Variants in ZNF658 observed in about 807,000 individuals in gnomAD.
ZNF658 encodes the protein zinc finger protein 658.
ZNF658 carries 46 observed loss-of-function variants against 78.0 expected under a neutral mutation model. The ratio of observed to expected loss-of-function variants is 0.59; its 90% CI spans 0.47 to 0.75. ZNF658 has a LOEUF of 0.75. ZNF658 is among the 30% of genes least tolerant of loss of function. The pLI, the probability that ZNF658 is intolerant of heterozygous loss-of-function variation, is 0.00. For missense variants in ZNF658, 785 were observed against 1,189.3 expected, an observed-to-expected ratio of 0.66 and a Z score of 5.00; for synonymous variants, 279 against 408.4, an observed-to-expected ratio of 0.68 and a Z score of 3.82.
downstream of ZNF658, among the ~76,000 whole-genome samples, chr9:66,923,318 T>G (rs1001958528): frequency 2.0e-5 from 3 of 150,284 alleles, no homozygotes; most frequent in Admixed American, 6.7e-5. Flanking sequence ...CTGCTTTATT[T>G]TAGCTGTGCT....
In ZNF658 at chr9:66,918,985, T is replaced by G. The variant is rs774306522; in HGVS notation, c.1419T>G (p.Cys473Trp). The G allele has an allele frequency of 3.9e-6, 5 of 1,275,706 alleles. No individual in the cohort carries two copies. The African/African-American group carries it at 9.3e-5, about 24-fold the overall frequency. 79.0% of individuals were successfully genotyped at this position (1,275,706 alleles called of 1,614,324 possible). The stretch of plus-strand genomic sequence containing the variant: ...AGAAACCTTGTGATAACAATGGCTG[T>G]GGGAGATCTTACAAGTCACCCCTCA... ...TKEKPCDNNG[C>W]GRSYKSPLIG... The change falls in exon 5 of 5, where the codon TGT becomes TGG. Residue 473 changes from cysteine (C) to tryptophan (W), a missense_variant. This residue lies in a region of ZNF658 where 393 missense variants were observed against 400.2 expected (regional missense o/e 0.98). Transcript: ENST00000621410.
At chr9:66,929,820 G>T (rs1587374304) in intron 6 of ZNF658, among the ~76,000 whole-genome samples, 7 of 103,952 alleles carry the variant, frequency 6.7e-5, no homozygotes, top group African/African-American at 1.4e-4. Context: ...GTCTTGCTCT[G>T]TTGCCCGGGC....
At chr9:66,917,284 G>T (rs1300145493) in intron 4 of ZNF658, among the ~76,000 whole-genome samples, 1 of 145,106 alleles carries the variant, frequency 6.9e-6, no homozygotes, top group Non-Finnish European at 1.5e-5. Flanking sequence ...GAGGAAAGGG[G>T]TTACTACTCC....
downstream of ZNF658, among the ~76,000 whole-genome samples, chr9:66,923,011 G>A (rs558146374): frequency 6.6e-6 from 1 of 151,888 alleles, no homozygotes; most frequent in South Asian, 2.1e-4. Flanking sequence ...TATGTGAAAG[G>A]GAGTTTATTA....
chr9:66,917,782 A>G (rs1822369976), intron 4 of ZNF658, 23 bp from the exon 5 acceptor site: 1 of 983,858 alleles, frequency 1.0e-6, no homozygotes. Context: ...TTTATACTAT[A>G]TTTTCAATTT....
At position 66,918,334 on chromosome 9, in the gene ZNF658, T is replaced by G; in HGVS notation, c.768T>G (p.Thr256=). The change falls in exon 5 of 5, where the codon ACT becomes ACG. Residue 256 remains threonine, a synonymous_variant. Transcript: ENST00000621410. The part of the protein sequence containing the change: ...DEFRKNFDKI[T]LFNHMRTDTR... ...TTAGAAAAAACTTTGATAAAATCAC[T>G]TTATTTAACCACATGAGAACTGACA... 3.1e-6 allele frequency: 5 copies of G among 1,613,918 alleles called. No homozygotes were observed. The highest frequency in any genetic ancestry group is 4.2e-6 in the Non-Finnish European group (5 of 1,179,832).
At chr9:66,912,126 C>T (rs1194640950) in intron 4 of ZNF658, among the ~76,000 whole-genome samples, 1 of 47,904 alleles carries the variant, frequency 2.1e-5, no homozygotes, top group African/African-American at 1.3e-4. Context: ...GAGCAAGACC[C>T]CATCTCAAAA....
intron 4 of ZNF658, among the ~76,000 whole-genome samples, chr9:66,910,237 T>C (rs903356359): frequency 2.0e-5 from 3 of 152,184 alleles, no homozygotes; most frequent in Non-Finnish European, 4.4e-5. Flanking sequence ...TCTTTTTATA[T>C]GCCTATTAGG....
rs776639227 is a variant in ZNF658, at chr9:66,920,353, G to C, written c.2787G>C (p.Gln929His). The change falls in exon 5 of 5, where the codon CAG becomes CAC. Residue 929 changes from glutamine (Q) to histidine (H), a missense_variant. Gln to His is a conservative substitution (Grantham distance 24). This residue lies in a region of ZNF658 where 85 missense variants were observed against 108.6 expected (regional missense o/e 0.78). Coordinates refer to ENST00000621410, the MANE Select transcript of ZNF658 (RefSeq NM_033160.7). ...FSEKSYVSAH[Q>H]RVHTGEKPYE... ...AGAAGTCATATGTTAGTGCACATCA[G>C]AGAGTTCATACGGGGGAGAAACCCT... The C allele has an allele frequency of 7.1e-5, 115 of 1,613,516 alleles. No homozygotes were observed. Among genetic ancestry groups the C allele is most frequent in the Non-Finnish European group, 9.7e-5 (114 of 1,179,936 alleles).
In ZNF658 at chr9:66,905,062, T is replaced by C. The variant is rs1822044130; in HGVS notation, c.15+1486T>C. On this transcript the variant is annotated intron_variant, in intron 2 of 4. Coordinates refer to ENST00000621410, the MANE Select transcript of ZNF658 (RefSeq NM_033160.7). Reference sequence around the variant, plus strand: ...TCTTTTCTTTTTTCTTTTCTCTTTTTCTTTTCTTTTTTTTTTTTTTTTTTT... The same window carrying C: ...TCTTTTCTTTTTTCTTTTCTCTTTTCCTTTTCTTTTTTTTTTTTTTTTTTT... Among the ~76,000 whole-genome samples the C allele has an allele frequency of 2.5e-3, 290 of 115,322 alleles. 10 individuals are homozygous for C. The highest frequency in any genetic ancestry group is 3.9e-3 in the Non-Finnish European group (220 of 56,646). The allele number at this position is 115,322 out of a possible 152,430, so 75.7% of individuals were successfully genotyped here. A position where few individuals can be genotyped will look rare whatever the true frequency, so the allele number is the denominator to read the frequency against.
rs762119892 is a variant in ZNF658, at chr9:66,920,046, A to C, written c.2480A>C (p.Glu827Ala). The C allele has an allele frequency of 6.2e-7, 1 of 1,613,350 alleles. No individual in the cohort carries two copies. Among genetic ancestry groups the C allele is most frequent in the South Asian group, 1.1e-5 (1 of 91,042 alleles). ...QRIHTGEKPY[E>A]CNQCGKTFSQ... ...ATTCACACAGGGGAGAAACCCTATG[A>C]ATGTAACCAATGTGGGAAAACTTTC... The change falls in exon 5 of 5, where the codon GAA becomes GCA. Residue 827 changes from glutamate to alanine, a missense_variant. Transcript: ENST00000621410.
At chr9:66,917,603 G>T (rs1285376807) in intron 4 of ZNF658, among the ~76,000 whole-genome samples, 3 of 114,750 alleles carry the variant, frequency 2.6e-5, no homozygotes, top group African/African-American at 3.6e-5. Flanking sequence ...GTCCCATCTA[G>T]TAGGGAGGCT....
In ZNF658 at chr9:66,919,117, C is replaced by T. The variant is rs1382940317; in HGVS notation, c.1551C>T (p.Pro517=). 1.3e-5 allele frequency: 7 copies of T among 548,474 alleles called. No homozygotes were observed. In the African/African-American group the frequency reaches 2.0e-4, roughly 15 times the overall value. The allele number at this position is 548,474 out of a possible 1,614,324, so 34.0% of individuals were successfully genotyped here. The change falls in exon 5 of 5, where the codon CCC becomes CCT. Residue 517 remains proline (P), a synonymous_variant. Transcript: ENST00000621410. ...GHQRILMGEK[P]YECIECGKTF... Reference sequence around the variant, plus strand: ...AGAGAATTCTCATGGGGGAGAAACCCTATGAATGTATTGAATGTGGGAAAA... The same window carrying T: ...AGAGAATTCTCATGGGGGAGAAACCTTATGAATGTATTGAATGTGGGAAAA...
downstream of ZNF658, among the ~76,000 whole-genome samples, chr9:66,922,991 G>T (rs1179673970): frequency 1.3e-5 from 2 of 151,792 alleles, 1 homozygote. Flanking sequence ...GGACTAATAG[G>T]ATAAATTTAT....
At chr9:66,910,319 G>A (rs760500504) in intron 4 of ZNF658, among the ~76,000 whole-genome samples, 3 of 152,022 alleles carry the variant, frequency 2.0e-5, no homozygotes. Flanking sequence ...GAATAAAAAA[G>A]TAAAATCATC....
chr9:66,917,896 A>G lies in ZNF658; in HGVS notation c.330A>G (p.Thr110=), dbSNP rs144924601. 2 of 1,608,276 alleles carry G rather than the reference A, an allele frequency of 1.2e-6. No homozygotes were observed. The highest frequency in any genetic ancestry group is 1.7e-6 in the Non-Finnish European group (2 of 1,179,076). ...QEIFISDADK[T]LSKEGQKVLE... is the part of the protein sequence containing the mutation. Reference sequence around the variant, plus strand: ...TATTCATCAGTGATGCTGACAAAACATTGAGTAAAGAAGGACAGAAAGTTT... The same window carrying G: ...TATTCATCAGTGATGCTGACAAAACGTTGAGTAAAGAAGGACAGAAAGTTT... Residue 110 remains threonine, a synonymous_variant, in exon 5 of 5, where the codon ACA becomes ACG. Transcript: ENST00000621410.
intron 4 of ZNF658, among the ~76,000 whole-genome samples, chr9:66,916,299 A>G (rs1294831736): frequency 1.3e-5 from 2 of 152,174 alleles, no homozygotes; most frequent in Non-Finnish European, 2.9e-5. Flanking sequence ...TCATTTGAGA[A>G]TTCTTTCACC....
Position 66,919,061 on chromosome 9 carries a change from T to C in ZNF658, c.1495T>C (p.Tyr499His). The C allele has an allele frequency of 3.1e-6, 2 of 641,960 alleles. No homozygotes were observed. The highest frequency in any genetic ancestry group is 2.5e-6 in the Non-Finnish European group (1 of 403,752). The allele number at this position is 641,960 out of a possible 1,614,324, so 39.8% of individuals were successfully genotyped here. ...AEMELCGGSEYGKTSHLKGHQ... is the reference protein window; with the variant it reads ...AEMELCGGSEHGKTSHLKGHQ... ...GATGGAACTCTGTGGTGGCAGTGAA[T>C]ATGGGAAGACATCACATCTCAAAGG... The change falls in exon 5 of 5, where the codon TAT becomes CAT. Residue 499 changes from tyrosine to histidine, a missense_variant. This residue lies in a region of ZNF658 where 393 missense variants were observed against 400.2 expected (regional missense o/e 0.98). Coordinates refer to ENST00000621410, the MANE Select transcript of ZNF658 (RefSeq NM_033160.7).
intron 2 of ZNF658, among the ~76,000 whole-genome samples, chr9:66,906,361 T>C (rs1822080286): frequency 1.3e-5 from 2 of 148,730 alleles, no homozygotes; most frequent in South Asian, 2.2e-4. Context: ...GTAGGTGACC[T>C]AGAGTCTCTA....
Sources: allele counts gnomAD v4.1 joint callset (sites outside exome capture counted in the v4.1 genomes callset), GRCh38; gene constraint gnomAD v4.1.1; regional missense constraint gnomAD v4.1.1; transcripts MANE v1.5; gene names NCBI Gene and HGNC (gene_info 2026-07-23, HGNC 2026-07-21).